Variants in CMIP observed in about 807,000 individuals in gnomAD.
The protein encoded by CMIP is C-Maf-inducing protein.
In CMIP, 13 loss-of-function variants were observed where a neutral mutation model predicts 97.3. The observed-to-expected ratio is 0.13, with a 90% confidence interval of 0.09 to 0.21. The LOEUF (loss-of-function observed/expected upper bound fraction) is 0.21. Among genes scored for constraint, CMIP ranks in the 10% least tolerant of loss-of-function variants. The pLI is 1.00. For missense variants in CMIP, 847 were observed against 1,024.9 expected, an observed-to-expected ratio of 0.83 and a Z score of 2.37; for synonymous variants, 538 against 436.3, an observed-to-expected ratio of 1.23 and a Z score of -2.91.
Position 81,701,781 on chromosome 16 carries a change from A to G in CMIP, c.1877A>G (p.Gln626Arg). 2 of 1,613,696 alleles carry G rather than the reference A, an allele frequency of 1.2e-6. No homozygotes were observed. The highest frequency in any genetic ancestry group is 8.5e-7 in the Non-Finnish European group (1 of 1,179,868). Residue 626 changes from glutamine to arginine, a missense_variant, in exon 16 of 21, where the codon CAG (glutamine) becomes CGG (arginine). Gln to Arg is a conservative substitution (Grantham distance 43). This residue lies in a region of CMIP where 266 missense variants were observed against 384.2 expected (regional missense o/e 0.69). Coordinates refer to ENST00000537098, the MANE Select transcript of CMIP (RefSeq NM_198390.3). ...ATGTACGAGCAGCTGTGTGACCGGC[A>G]GCGGGAGCTGAAGGAGCTGGTGAGT... The part of the protein sequence containing the change: ...KRMYEQLCDR[Q>R]RELKELQRKG...
At chr16:81,698,260 G>A (rs997832270) in intron 14 of CMIP, 11 of 152,288 alleles carry the variant, frequency 7.2e-5, no homozygotes, top group African/African-American at 2.7e-4. Context: ...TTGGAGGAAA[G>A]CCAATGGGGT....
chr16:81,570,025 A>G (rs532484067), intron 1 of CMIP, among the ~76,000 whole-genome samples: 17 of 152,252 alleles, frequency 1.1e-4, no homozygotes, highest in African/African-American at 3.9e-4. Flanking sequence ...GTCAAAGCCA[A>G]CTGTCCACCA....
At chr16:81,526,737 C>T (rs2090140971) in intron 1 of CMIP, among the ~76,000 whole-genome samples, 1 of 152,222 alleles carries the variant, frequency 6.6e-6, no homozygotes, top group South Asian at 2.1e-4. Context: ...CCACTCTTGC[C>T]TTGCAGAGGT....
intron 1 of CMIP, among the ~76,000 whole-genome samples, chr16:81,537,491 C>T (rs933835359): frequency 1.4e-5 from 2 of 142,354 alleles, no homozygotes; most frequent in Non-Finnish European, 3.0e-5. Flanking sequence ...GCCAAGATTG[C>T]ACCACCGTAC....
At chr16:81,668,447 C>G (rs1261398578) in intron 7 of CMIP, among the ~76,000 whole-genome samples, 1 of 152,164 alleles carries the variant, frequency 6.6e-6, no homozygotes, top group Non-Finnish European at 1.5e-5. Context: ...GGCTGGGCGC[C>G]GACTTCCTGC....
At chr16:81,668,177 T>C (rs935274355) in intron 7 of CMIP, among the ~76,000 whole-genome samples, 4 of 151,954 alleles carry the variant, frequency 2.6e-5, no homozygotes, top group African/African-American at 7.3e-5. Context: ...TCCACTGAGA[T>C]GGGTACGGAG....
At chr16:81,600,066 G>A (rs907805202) in intron 1 of CMIP, among the ~76,000 whole-genome samples, 1 of 151,654 alleles carries the variant, frequency 6.6e-6, no homozygotes, top group Non-Finnish European at 1.5e-5. Context: ...GGATCACAAG[G>A]TCAGGAGTTC....
At chr16:81,564,355 C>T (rs955784946) in intron 1 of CMIP, among the ~76,000 whole-genome samples, 1 of 152,146 alleles carries the variant, frequency 6.6e-6, no homozygotes, top group African/African-American at 2.4e-5. Context: ...GCTCCAGGGA[C>T]TTGATTTAAA....
intron 1 of CMIP, among the ~76,000 whole-genome samples, chr16:81,547,022 A>AGACC (rs2090559815): frequency 6.6e-6 from 1 of 152,278 alleles, no homozygotes; most frequent in African/African-American, 2.4e-5. Flanking sequence ...GCGGTATTAA[A>AGACC]GACCGGCACA....
At position 81,658,014 on chromosome 16, in the gene CMIP, G is replaced by T. The variant is rs186435397; in HGVS notation, c.681+198G>T. Among the ~76,000 whole-genome samples, 1,239 of 152,308 alleles carry T rather than the reference G, an allele frequency of 8.1e-3. 15 individuals are homozygous for T. Among genetic ancestry groups the T allele is most frequent in the African/African-American group, 0.027 (1,123 of 41,558 alleles). ...AGAGCCCCAGTTGATAGGAGCGGGA[G>T]TGTAATTGTCTGTCTTTGAGGTTTG... On this transcript the variant is annotated intron_variant, in intron 5 of 20. Transcript: ENST00000537098.
chr16:81,575,711 C>G (rs565779347), intron 1 of CMIP, among the ~76,000 whole-genome samples: 2 of 152,124 alleles, frequency 1.3e-5, no homozygotes, highest in East Asian at 1.9e-4. Flanking sequence ...GTAAACGTTG[C>G]GTGTTTGGGA....
chr16:81,581,935 T>C (rs529126599), intron 1 of CMIP, among the ~76,000 whole-genome samples: 1 of 152,200 alleles, frequency 6.6e-6, no homozygotes, highest in Non-Finnish European at 1.5e-5. Context: ...GGAGGTTTAA[T>C]GGGCTCACGG....
chr16:81,625,045 GA>G (rs1304344957), intron 3 of CMIP, among the ~76,000 whole-genome samples: 1 of 152,244 alleles, frequency 6.6e-6, no homozygotes, highest in East Asian at 1.9e-4. Context: ...CCTGAGTGTA[GA>G]GAGGATAAGT....
intron 7 of CMIP, among the ~76,000 whole-genome samples, chr16:81,668,741 T>C (rs1188811268): frequency 6.6e-6 from 1 of 151,968 alleles, no homozygotes; most frequent in Non-Finnish European, 1.5e-5. Context: ...TAATGCCTGG[T>C]GCCCAACTCC....
chr16:81,576,648 C>T (rs552765262), intron 1 of CMIP, among the ~76,000 whole-genome samples: 20 of 152,182 alleles, frequency 1.3e-4, no homozygotes, highest in African/African-American at 4.3e-4. Flanking sequence ...GTTACTAGAG[C>T]GTGGTGTATT....
At chr16:81,645,885 C>A (rs1394934171) in intron 3 of CMIP, 1 of 495,750 alleles carries the variant, frequency 2.0e-6, no homozygotes, top group Non-Finnish European at 3.6e-6. Flanking sequence ...AGTAGTTATT[C>A]TTATCCTGAT....
intron 1 of CMIP, among the ~76,000 whole-genome samples, chr16:81,535,915 A>C (rs2090333850): frequency 6.6e-6 from 1 of 152,134 alleles, no homozygotes; most frequent in South Asian, 2.1e-4. Flanking sequence ...AAAATTGTCC[A>C]CGCTGACTTC....
chr16:81,504,735 C>T lies in CMIP; in HGVS notation c.300+59194C>T, dbSNP rs12596262. 1.3e-3 allele frequency among the ~76,000 whole-genome samples: 197 copies of T among 151,860 alleles called. 5 individuals are homozygous for T. The East Asian group carries it at 0.032, about 25-fold the overall frequency. ...TGCTGTGTGTGCTCCACGGTCTGTG[C>T]CATTCCACGAGTGGTCCCAGTCTGT... On this transcript the variant is annotated intron_variant, in intron 1 of 20. Coordinates refer to ENST00000537098, the MANE Select transcript of CMIP (RefSeq NM_198390.3).
intron 20 of CMIP, among the ~76,000 whole-genome samples, chr16:81,708,663 G>A (rs999736273): frequency 2.6e-5 from 4 of 152,198 alleles, no homozygotes; most frequent in Non-Finnish European, 5.9e-5. Flanking sequence ...GGCAGGCCAC[G>A]CCCCACTGTT....
Sources: gnomAD v4.1 joint callset for allele counts (sites outside exome capture counted in the v4.1 genomes callset) on GRCh38, gnomAD v4.1.1 for gene constraint, gnomAD v4.1.1 regional missense constraint, MANE v1.5 for transcripts, NCBI Gene and HGNC (gene_info 2026-07-23, HGNC 2026-07-21) for gene names.